Variants in PDE9A observed in about 807,000 individuals in gnomAD.
The protein encoded by PDE9A is phosphodiesterase 9A.
Under a neutral mutation model 87.4 loss-of-function variants are expected in PDE9A, and 60 were observed. The observed-to-expected ratio is 0.69, with a 90% CI of 0.56 to 0.85. The LOEUF is 0.85. Among genes scored for constraint, PDE9A ranks in the 40% least tolerant of loss-of-function variants. The pLI is 0.00. For missense variants in PDE9A, 665 were observed against 779.0 expected, an observed-to-expected ratio of 0.85 and a Z score of 1.74; for synonymous variants, 272 against 279.4, an observed-to-expected ratio of 0.97 and a Z score of 0.27.
chr21:42,662,679 CTGCACACACATGCACACACCA>C, intron 1 of PDE9A, among the ~76,000 whole-genome samples: 1 of 147,662 alleles, frequency 6.8e-6, no homozygotes, highest in African/African-American at 2.5e-5. Context: ...CGCACACGCA[CTGCACACACATGCACACACCA>C]TGCACACGCA....
chr21:42,747,354 G>C (rs2053969998), intron 8 of PDE9A, among the ~76,000 whole-genome samples: 2 of 152,196 alleles, frequency 1.3e-5, no homozygotes, highest in African/African-American at 2.4e-5. Flanking sequence ...AGCCCAGCCA[G>C]AGGCCAGCGT....
intron 10 of PDE9A, among the ~76,000 whole-genome samples, chr21:42,755,122 G>A (rs577340298): frequency 1.3e-5 from 2 of 152,132 alleles, no homozygotes; most frequent in Non-Finnish European, 2.9e-5. Flanking sequence ...TGTTTTCAAC[G>A]CACCAAAATC....
Position 42,660,015 on chromosome 21 carries a change from G to A in PDE9A, c.69+6132G>A, listed in dbSNP as rs528869004. ...CGGGGCATAAGCCGGGCAGGGAGGC[G>A]GCAGGAACTGGGCCCCAGGGGGCCA... is the stretch of plus-strand genomic sequence containing the variant. On this transcript the variant is annotated intron_variant, in intron 1 of 19. Transcript: ENST00000291539. The surrounding 1 kb of genome is among the most constrained non-coding windows in gnomAD (Gnocchi z 4.7). Among the ~76,000 whole-genome samples, 26 of 152,328 alleles carry A rather than the reference G, an allele frequency of 1.7e-4. No individual in the cohort carries two copies. In the South Asian group the frequency reaches 3.3e-3, roughly 19 times the overall value.
chr21:42,677,037 C>T (rs1038937898), intron 1 of PDE9A, among the ~76,000 whole-genome samples: 10 of 152,196 alleles, frequency 6.6e-5, no homozygotes, highest in African/African-American at 2.4e-4. Context: ...GCCCGCTCTT[C>T]CCTCCTGGGG....
chr21:42,736,960 C>G (rs1441586575), intron 7 of PDE9A, among the ~76,000 whole-genome samples: 1 of 152,222 alleles, frequency 6.6e-6, no homozygotes, highest in Non-Finnish European at 1.5e-5. Context: ...GTTCCAGAGA[C>G]ACTACAAGGG....
At chr21:42,673,642 G>T (rs2058682081) in intron 1 of PDE9A, among the ~76,000 whole-genome samples, 1 of 152,188 alleles carries the variant, frequency 6.6e-6, no homozygotes, top group Admixed American at 6.5e-5. Context: ...GGAACAAGAG[G>T]GTTCTTGTGT....
chr21:42,683,685 C>T (rs62215394), intron 1 of PDE9A, among the ~76,000 whole-genome samples: 20,407 of 152,250 alleles, frequency 0.13, 1,489 homozygotes, highest in Middle Eastern at 0.25. Flanking sequence ...CGAGCCTGCC[C>T]AGTCCCAAGA....
intron 7 of PDE9A, among the ~76,000 whole-genome samples, chr21:42,742,154 T>C (rs983622333): frequency 2.0e-5 from 3 of 152,104 alleles, no homozygotes; most frequent in Admixed American, 6.5e-5. Flanking sequence ...GGTTGAAAAA[T>C]AGTATCCTAA....
chr21:42,662,777 CCA>C (rs199499714), intron 1 of PDE9A, among the ~76,000 whole-genome samples: 9,094 of 126,846 alleles, frequency 0.072, 547 homozygotes, highest in East Asian at 0.25. Context: ...AGGACACACA[CCA>C]CACACACACA....
intron 4 of PDE9A, chr21:42,700,859 T>G (rs923103482): frequency 6.6e-6 from 1 of 152,232 alleles, no homozygotes. Flanking sequence ...GCACACCATC[T>G]TGACTACCGT....
intron 1 of PDE9A, among the ~76,000 whole-genome samples, chr21:42,664,054 A>T (rs1290531625): frequency 1.3e-5 from 2 of 152,212 alleles, no homozygotes; most frequent in African/African-American, 2.4e-5. Context: ...CCCGGGGCCG[A>T]GTCGGGTCCA....
chr21:42,769,440 G>C (rs895075932), intron 17 of PDE9A, among the ~76,000 whole-genome samples: 14 of 99,248 alleles, frequency 1.4e-4, no homozygotes, highest in African/African-American at 5.9e-4. Context: ...GCACACACAT[G>C]TACACAGGCA....
At chr21:42,730,639 T>C (rs2051632083) in intron 4 of PDE9A, among the ~76,000 whole-genome samples, 1 of 152,224 alleles carries the variant, frequency 6.6e-6, no homozygotes, top group African/African-American at 2.4e-5. Context: ...TGCTTTAAAA[T>C]CTTTTTTTTG....
At chr21:42,688,021 G>T (rs112750444) in intron 3 of PDE9A, 27 bp downstream of exon 3, 3 of 1,581,358 alleles carry the variant, frequency 1.9e-6, no homozygotes, top group Non-Finnish European at 1.7e-6. Context: ...GCGCTCCTCG[G>T]GGTGTGCCTG....
intron 4 of PDE9A, among the ~76,000 whole-genome samples, chr21:42,726,593 C>CATATATATATATATATATAT (rs898602288): frequency 1.0e-4 from 4 of 38,238 alleles, no homozygotes; most frequent in African/African-American, 4.8e-4. Context: ...CACGCCTGGC[C>CATATATATATATATATATAT]ATATATATAT....
chr21:42,679,608 T>G lies in PDE9A; in HGVS notation c.70-6584T>G, dbSNP rs369283888. Among the ~76,000 whole-genome samples, 207 of 152,298 alleles carry G rather than the reference T, an allele frequency of 1.4e-3. 3 individuals are homozygous for G. Among genetic ancestry groups the G allele is most frequent in the African/African-American group, 4.9e-3 (205 of 41,568 alleles). On this transcript the variant is annotated intron_variant, in intron 1 of 19. Transcript: ENST00000291539. Reference sequence around the variant, plus strand: ...CAGCCTCACCCTGCAAGCAGCACCATGTGGGGCTCAGAATGGGGATCTTAA... The same window carrying G: ...CAGCCTCACCCTGCAAGCAGCACCAGGTGGGGCTCAGAATGGGGATCTTAA...
chr21:42,775,168 C>T, intron 19 of PDE9A, 112 bp from the exon 20 acceptor site: 1 of 976,784 alleles, frequency 1.0e-6, no homozygotes, highest in Non-Finnish European at 1.6e-6. Flanking sequence ...TCTCGAACTC[C>T]TGACCTCGTG....
chr21:42,710,290 T>A (rs2049203338), intron 4 of PDE9A, among the ~76,000 whole-genome samples: 1 of 151,620 alleles, frequency 6.6e-6, no homozygotes, highest in South Asian at 2.1e-4. Context: ...GTGCCTGTAG[T>A]CCCAGCTACT....
chr21:42,744,718 G>A (rs2053663298), intron 8 of PDE9A, among the ~76,000 whole-genome samples: 1 of 152,216 alleles, frequency 6.6e-6, no homozygotes, highest in Non-Finnish European at 1.5e-5. Context: ...TCCAAAGTCA[G>A]TTTTGTGTAC....
Sources: gnomAD v4.1 joint callset for allele counts (sites outside exome capture counted in the v4.1 genomes callset) on GRCh38, gnomAD v4.1.1 for gene constraint, Gnocchi (gnomAD v3.1) non-coding constraint, MANE v1.5 for transcripts, NCBI Gene and HGNC (gene_info 2026-07-23, HGNC 2026-07-21) for gene names.